The following USP37 variants were observed in gnomAD, a reference collection of about 807,000 sequenced individuals.
USP37 encodes the protein ubiquitin carboxyl-terminal hydrolase 37.
Under a neutral mutation model 124.0 loss-of-function variants are expected in USP37, and 27 were observed. The observed-to-expected ratio is 0.22, with a 90% CI of 0.16 to 0.30. USP37 has a LOEUF of 0.30. USP37 is among the 10% of genes least tolerant of loss of function. The pLI is 1.00. For synonymous variants in USP37, 365 were observed against 388.0 expected, an observed-to-expected ratio of 0.94 and a Z score of 0.70; for missense variants, 889 against 1,140.4, an observed-to-expected ratio of 0.78 and a Z score of 3.17.
Position 218,457,098 on chromosome 2 carries a change from A to G in USP37, c.2707T>C (p.Ser903Pro). Residue 903 changes from serine to proline, a missense_variant, in exon 24 of 26, where the codon TCT (serine) becomes CCT (proline). By Grantham distance (74) the Ser-to-Pro change is moderately conservative. Around this residue, in one of 3 missense-constraint regions of USP37, gnomAD observed 504 missense variants for 714.3 expected, o/e 0.71. Coordinates refer to ENST00000258399, the MANE Select transcript of USP37 (RefSeq NM_020935.3). The stretch of plus-strand genomic sequence containing the variant: ...AATCATGATGGCTATTCACCTGAAG[A>G]AGAAGTGCTACCAATGTGACTGACA... Reference protein sequence around the residue: ...SVVSHIGSTSSSGHYISDVYD... With the variant: ...SVVSHIGSTSPSGHYISDVYD... 1 of 1,613,912 alleles carries G rather than the reference A, an allele frequency of 6.2e-7. No individual in the cohort carries two copies. Among genetic ancestry groups the G allele is most frequent in the Non-Finnish European group, 8.5e-7 (1 of 1,179,936 alleles).
At chr2:218,561,800 G>A (rs994475109) in intron 2 of USP37, among the ~76,000 whole-genome samples, 1 of 152,002 alleles carries the variant, frequency 6.6e-6, no homozygotes, top group Non-Finnish European at 1.5e-5. Context: ...CTAATGTGAC[G>A]TAGAGGCCCT....
chr2:218,510,198 C>CCATT, intron 10 of USP37, 58 bp from the exon 11 acceptor site: 1 of 1,539,776 alleles, frequency 6.5e-7, no homozygotes, highest in African/African-American at 1.4e-5. Flanking sequence ...CTACTATTTT[C>CCATT]CTTGAATAGA....
intron 14 of USP37, among the ~76,000 whole-genome samples, chr2:218,492,524 T>C (rs1026912853): frequency 2.6e-5 from 4 of 152,230 alleles, no homozygotes; most frequent in Non-Finnish European, 5.9e-5. Flanking sequence ...CTTTGGCTTA[T>C]GTGTTTAAAA....
At chr2:218,505,512 T>C (rs967772975) in intron 11 of USP37, among the ~76,000 whole-genome samples, 5 of 152,328 alleles carry the variant, frequency 3.3e-5, no homozygotes, top group South Asian at 2.1e-4. Flanking sequence ...CAAGTTCTTA[T>C]ACTCCAAACC....
chr2:218,552,271 T>C (rs1236108046), intron 5 of USP37, among the ~76,000 whole-genome samples: 2 of 152,240 alleles, frequency 1.3e-5, no homozygotes, highest in Non-Finnish European at 2.9e-5. Context: ...CTTCATTTTC[T>C]GATGTTTTTA....
At chr2:218,557,655 G>A (rs973068664) in intron 4 of USP37, among the ~76,000 whole-genome samples, 4 of 147,116 alleles carry the variant, frequency 2.7e-5, no homozygotes, top group African/African-American at 7.5e-5. Flanking sequence ...TTGGCTGGGC[G>A]CGGTGGCTCA....
intron 10 of USP37, among the ~76,000 whole-genome samples, chr2:218,519,247 C>A (rs560535377): frequency 1.3e-5 from 2 of 152,278 alleles, no homozygotes; most frequent in African/African-American, 4.8e-5. Flanking sequence ...TGTCTTCCCC[C>A]AGAGAGAATT....
At chr2:218,530,237 T>A (rs973842074) in intron 9 of USP37, among the ~76,000 whole-genome samples, 197 bp from the exon 10 acceptor site, 15 of 152,236 alleles carry the variant, frequency 9.9e-5, no homozygotes, top group Non-Finnish European at 1.8e-4. Flanking sequence ...TGTTTTTTTT[T>A]AAACAAATGG....
In USP37 at chr2:218,562,736, G is replaced by A; in HGVS notation, c.-152C>T. On this transcript the variant is annotated 5_prime_UTR_variant, in exon 2 of 26. Coordinates refer to ENST00000258399, the MANE Select transcript of USP37 (RefSeq NM_020935.3). The stretch of plus-strand genomic sequence containing the variant: ...AATTCACCTTTATTCTGATCCTTGT[G>A]CCAAAGGCAAAGCACTCTTCTTGGG... The A allele has an allele frequency of 2.5e-6, 1 of 398,542 alleles. No individual in the cohort carries two copies. The highest frequency in any genetic ancestry group is 4.4e-5 in the Admixed American group (1 of 22,718). 24.7% of individuals were successfully genotyped at this position (398,542 alleles called of 1,614,324 possible).
Position 218,530,021 on chromosome 2 carries a change from T to C in USP37, c.798A>G (p.Ser266=), listed in dbSNP as rs1297738703. The C allele has an allele frequency of 1.2e-6, 2 of 1,612,690 alleles. No homozygotes were observed. The highest frequency in any genetic ancestry group is 2.2e-5 in the East Asian group (1 of 44,854). The change falls in exon 10 of 26, where the codon TCA becomes TCG. Residue 266 remains serine (S), a synonymous_variant. Transcript: ENST00000258399. The part of the protein sequence containing the change: ...NRTSGLLPLQ[S]SSFYGSRAGS... The stretch of plus-strand genomic sequence containing the variant: ...CAGCTCTGCTACCATAAAAGGATGA[T>C]GACTGTAAAGGTAAAAGCCCTATAA...
rs200314055 is a variant in USP37 at position 218,474,867 on chromosome 2, T to C, written c.2062A>G (p.Ile688Val). Residue 688 changes from isoleucine to valine, a missense_variant, in exon 20 of 26, where the codon ATA (isoleucine) becomes GTA (valine). Physicochemically the swap from Ile to Val is conservative, Grantham distance 29. Transcript: ENST00000258399. ...DLEKDSKLCP[I>V]EPDKSELENS... Reference sequence around the variant, plus strand: ...TCCAATTCAGACTTGTCAGGCTCTATTGGGCATAATTTTGAATCCTGAAGA... The same window carrying C: ...TCCAATTCAGACTTGTCAGGCTCTACTGGGCATAATTTTGAATCCTGAAGA... 154 of 1,612,188 alleles carry C rather than the reference T, an allele frequency of 9.6e-5. No individual in the cohort carries two copies. In the East Asian group the frequency reaches 3.1e-3, roughly 32 times the overall value.
chr2:218,476,751 T>C, intron 19 of USP37, 89 bp downstream of exon 19: 1 of 1,369,000 alleles, frequency 7.3e-7, no homozygotes, highest in African/African-American at 1.5e-5. Context: ...TTAAAACTAA[T>C]TAGTTTGATG....
rs1693370951 is a variant in USP37, at chr2:218,562,696, A to C, written c.-112T>G. On this transcript the variant is annotated 5_prime_UTR_variant, in exon 2 of 26. Coordinates refer to ENST00000258399, the MANE Select transcript of USP37 (RefSeq NM_020935.3). ...ACTTTTCAGTGACTTTTACCGAAAA[A>C]CCCTATGTAATAGCAATTCACCTTT... 2.5e-6 allele frequency: 1 copy of C among 398,478 alleles called. No individual in the cohort carries two copies. Among genetic ancestry groups the C allele is most frequent in the Non-Finnish European group, 4.4e-6 (1 of 226,062 alleles). 24.7% of individuals were successfully genotyped at this position (398,478 alleles called of 1,614,324 possible). A position where few individuals can be genotyped will look rare whatever the true frequency, so the allele number is the denominator to read the frequency against.
At chr2:218,517,839 T>C (rs780313685) in intron 10 of USP37, among the ~76,000 whole-genome samples, 2 of 152,218 alleles carry the variant, frequency 1.3e-5, no homozygotes, top group African/African-American at 2.4e-5. Context: ...TAAGACACAA[T>C]AGACCTTTTA....
chr2:218,537,194 T>C (rs1691701003), intron 8 of USP37, among the ~76,000 whole-genome samples: 1 of 152,228 alleles, frequency 6.6e-6, no homozygotes, highest in Admixed American at 6.5e-5. Context: ...TTCTAATCAA[T>C]AAATTCAGTC....
chr2:218,461,300 G>A (rs1481137859), intron 22 of USP37, among the ~76,000 whole-genome samples: 1 of 151,810 alleles, frequency 6.6e-6, no homozygotes, highest in African/African-American at 2.4e-5. Flanking sequence ...CTGAGGTCAG[G>A]AGCTGGAGAC....
intron 9 of USP37, 37 bp from the exon 10 acceptor site, chr2:218,530,077 T>A (rs753187973): frequency 6.7e-7 from 1 of 1,498,620 alleles, no homozygotes; most frequent in Non-Finnish European, 9.1e-7. Context: ...ACTTAATTCC[T>A]AAATCAACCA....
intron 10 of USP37, among the ~76,000 whole-genome samples, chr2:218,513,550 ACTC>A (rs969387601): frequency 6.6e-6 from 1 of 151,146 alleles, no homozygotes; most frequent in Non-Finnish European, 1.5e-5. Context: ...CCTTCCTCCC[ACTC>A]CTCTCTGCCT....
intron 25 of USP37, 90 bp from the exon 26 acceptor site, chr2:218,455,107 T>C: frequency 1.4e-6 from 2 of 1,452,634 alleles, no homozygotes; most frequent in South Asian, 1.2e-5. Context: ...AAAATTGATA[T>C]GGATAAGGCC....
Sources: allele counts gnomAD v4.1 joint callset (sites outside exome capture counted in the v4.1 genomes callset), GRCh38; gene constraint gnomAD v4.1.1; regional missense constraint gnomAD v4.1.1; transcripts MANE v1.5; gene names NCBI Gene and HGNC (gene_info 2026-07-23, HGNC 2026-07-21).